Variants in NALCN observed in about 807,000 individuals in gnomAD.
NALCN encodes sodium leak channel, non-selective, also known as sodium leak channel NALCN.
Under a neutral mutation model 225.3 loss-of-function variants are expected in NALCN, and 111 were observed. The ratio of observed to expected loss-of-function variants is 0.49; its 90% CI spans 0.42 to 0.58. The LOEUF (loss-of-function observed/expected upper bound fraction) is 0.58, where lower values mean the gene tolerates loss of function less well. NALCN is among the 20% of genes least tolerant of loss of function. NALCN has a pLI of 0.00. For missense variants in NALCN, 1,378 were observed against 2,202.4 expected, an observed-to-expected ratio of 0.63 and a Z score of 7.49; for synonymous variants, 764 against 769.0, an observed-to-expected ratio of 0.99 and a Z score of 0.11.
intron 7 of NALCN, among the ~76,000 whole-genome samples, chr13:101,302,779 A>G (rs967531763): frequency 6.6e-6 from 1 of 152,150 alleles, no homozygotes; most frequent in Admixed American, 6.5e-5. Flanking sequence ...ACGTTTACAT[A>G]TGTGAATAAA....
intron 13 of NALCN, among the ~76,000 whole-genome samples, chr13:101,227,208 G>A (rs7988100): frequency 0.17 from 25,877 of 152,086 alleles, 2,457 homozygotes; most frequent in East Asian, 0.36. Context: ...TCCTCTTGCT[G>A]TGGATACTGC....
intron 11 of NALCN, among the ~76,000 whole-genome samples, chr13:101,251,935 AT>A: frequency 6.6e-6 from 1 of 152,330 alleles, no homozygotes; most frequent in Non-Finnish European, 1.5e-5. Context: ...ATAGAGAATG[AT>A]TTTTAGATCT....
chr13:101,378,731 A>G, intron 3 of NALCN, 78 bp from the exon 4 acceptor site: 1 of 1,209,018 alleles, frequency 8.3e-7, no homozygotes, highest in Non-Finnish European at 1.2e-6. Flanking sequence ...AATGTCAAAT[A>G]TTATTTCAAT....
chr13:101,176,028 A>G (rs996246405), intron 15 of NALCN, among the ~76,000 whole-genome samples: 1 of 152,232 alleles, frequency 6.6e-6, no homozygotes, highest in Non-Finnish European at 1.5e-5. Flanking sequence ...TGGCAGAAGG[A>G]GAACAGTCTC....
At chr13:101,127,161 C>T (rs2036274572) in intron 17 of NALCN, among the ~76,000 whole-genome samples, 2 of 152,190 alleles carry the variant, frequency 1.3e-5, no homozygotes, top group Non-Finnish European at 1.5e-5. Flanking sequence ...TACACTATTG[C>T]CTAAATGATT....
intron 9 of NALCN, among the ~76,000 whole-genome samples, chr13:101,288,564 C>T (rs754135908): frequency 2.6e-5 from 4 of 152,148 alleles, no homozygotes; most frequent in Non-Finnish European, 5.9e-5. Context: ...GCCCATTCTT[C>T]CCACACCAGT....
intron 3 of NALCN, among the ~76,000 whole-genome samples, chr13:101,380,892 A>ACACACACACC (rs1555344222): frequency 1.3e-5 from 2 of 149,750 alleles, no homozygotes; most frequent in African/African-American, 4.9e-5. Flanking sequence ...ACACACACAC[A>ACACACACACC]CCACCATCAC....
chr13:101,397,857 GAAAT>G (rs997176564), intron 2 of NALCN, among the ~76,000 whole-genome samples: 4 of 152,130 alleles, frequency 2.6e-5, no homozygotes, highest in South Asian at 2.1e-4. Flanking sequence ...GTCTGTGGTG[GAAAT>G]AAGCCTTTCA....
chr13:101,339,126 T>A (rs2045477559), intron 7 of NALCN, among the ~76,000 whole-genome samples: 1 of 152,110 alleles, frequency 6.6e-6, no homozygotes. Flanking sequence ...GAAAGTGGGG[T>A]AAGTATTCAG....
intron 15 of NALCN, among the ~76,000 whole-genome samples, chr13:101,159,082 C>G (rs564503172): frequency 3.9e-4 from 60 of 152,310 alleles, no homozygotes; most frequent in Admixed American, 2.8e-3. Flanking sequence ...ATATAATTCC[C>G]TTTCCTAAAC....
chr13:101,311,707 A>G (rs1361991231), intron 7 of NALCN, among the ~76,000 whole-genome samples: 1 of 152,178 alleles, frequency 6.6e-6, no homozygotes, highest in Non-Finnish European at 1.5e-5. Context: ...CCAGGGATGA[A>G]GCCCACCTGA....
rs557640251 is a variant in NALCN at position 101,139,970 on chromosome 13, C to G, written c.2118+3110G>C. ...GGGGCACTCAACAAGGTTGACAAAT[C>G]CTAAGGTCTTATGAGGAACACCAAG... On this transcript the variant is annotated intron_variant, in intron 17 of 43. Transcript: ENST00000251127. Among the ~76,000 whole-genome samples, 345 of 152,206 alleles carry G rather than the reference C, an allele frequency of 2.3e-3. 2 individuals are homozygous for G. The highest frequency in any genetic ancestry group is 7.8e-3 in the African/African-American group (323 of 41,520).
At chr13:101,395,917 A>G (rs534208661) in intron 2 of NALCN, among the ~76,000 whole-genome samples, 1 of 152,304 alleles carries the variant, frequency 6.6e-6, no homozygotes, top group East Asian at 1.9e-4. Flanking sequence ...AACACATCCC[A>G]TATTTAGAAT....
chr13:101,403,354 C>T (rs2047530326), intron 1 of NALCN, among the ~76,000 whole-genome samples: 1 of 152,202 alleles, frequency 6.6e-6, no homozygotes, highest in Non-Finnish European at 1.5e-5. Context: ...CCACATGCTG[C>T]ACTCAGGTTG....
rs1341137985 is a variant in NALCN, at chr13:101,074,473, G to T, written c.4103+41C>A. 4 of 1,478,292 alleles carry T rather than the reference G, an allele frequency of 2.7e-6. No homozygotes were observed. The South Asian group carries it at 4.5e-5, about 17-fold the overall frequency. The allele number at this position is 1,478,292 out of a possible 1,614,324, so 91.6% of individuals were successfully genotyped here. A position where few individuals can be genotyped will look rare whatever the true frequency, so the allele number is the denominator to read the frequency against. On this transcript the variant is annotated intron_variant, in intron 36 of 43. Coordinates refer to ENST00000251127, the MANE Select transcript of NALCN (RefSeq NM_052867.4). ...TTATTTAAAATTTTATTACCAAAGG[G>T]TTTGCTTGATAAATGAATAGAAAGA...
intron 1 of NALCN, among the ~76,000 whole-genome samples, chr13:101,403,142 C>T (rs1443464748): frequency 6.6e-6 from 1 of 152,222 alleles, no homozygotes; most frequent in Non-Finnish European, 1.5e-5. Flanking sequence ...TTCTCATTCA[C>T]TCACTCATTT....
chr13:101,090,013 AC>A, intron 28 of NALCN, 47 bp from the exon 29 acceptor site: 18 of 1,611,144 alleles, frequency 1.1e-5, no homozygotes, highest in Non-Finnish European at 1.4e-5. Flanking sequence ...AATAAGCAGC[AC>A]CCGAAGGCAA....
chr13:101,137,955 C>A (rs1323496528), intron 17 of NALCN, among the ~76,000 whole-genome samples: 1 of 152,176 alleles, frequency 6.6e-6, no homozygotes, highest in African/African-American at 2.4e-5. Context: ...AGGGTTGGAA[C>A]CTGCACCACT....
chr13:101,152,214 T>C (rs1315140355), intron 15 of NALCN, among the ~76,000 whole-genome samples: 2 of 152,170 alleles, frequency 1.3e-5, no homozygotes, highest in Non-Finnish European at 2.9e-5. Flanking sequence ...ATAGCTGACA[T>C]CCAAAATGTT....
Sources: gnomAD v4.1 joint callset for allele counts (sites outside exome capture counted in the v4.1 genomes callset) on GRCh38, gnomAD v4.1.1 for gene constraint, MANE v1.5 for transcripts, NCBI Gene and HGNC (gene_info 2026-07-23, HGNC 2026-07-21) for gene names.